The following GLIS2 variants were observed in gnomAD, a reference collection of about 807,000 sequenced individuals.
GLIS2 encodes the protein zinc finger protein GLIS2.
A neutral mutation model predicts 35.6 loss-of-function variants in GLIS2; 14 were observed. That is an observed-to-expected ratio of 0.39 (90% CI 0.26 to 0.61). The LOEUF is 0.61. Ranked by LOEUF, GLIS2 falls within the 20% of genes least tolerant of loss-of-function variation. GLIS2 has a pLI of 0.48. For missense variants in GLIS2, 675 were observed against 713.4 expected, an observed-to-expected ratio of 0.95 and a Z score of 0.61; for synonymous variants, 368 against 325.1, an observed-to-expected ratio of 1.13 and a Z score of -1.42.
At chr16:4,319,151 G>A (rs952841319) in intron 1 of GLIS2, among the ~76,000 whole-genome samples, 7 of 152,136 alleles carry the variant, frequency 4.6e-5, no homozygotes, top group African/African-American at 7.2e-5. Context: ...GAATTGGGGC[G>A]GGGGTGGCTG....
intron 1 of GLIS2, among the ~76,000 whole-genome samples, chr16:4,326,931 T>C (rs2053437312): frequency 6.6e-6 from 1 of 151,996 alleles, no homozygotes. Context: ...CGGCTAATTT[T>C]CGTATTTTTA....
At chr16:4,315,854 G>A (rs1343782270), upstream of GLIS2, among the ~76,000 whole-genome samples, 1 of 149,082 alleles carries the variant, frequency 6.7e-6, no homozygotes, top group Non-Finnish European at 1.5e-5. Flanking sequence ...CTGGCAGCTG[G>A]CGCCCCGGGC....
At chr16:4,329,655 T>C (rs1047415251) in intron 1 of GLIS2, among the ~76,000 whole-genome samples, 3 of 152,112 alleles carry the variant, frequency 2.0e-5, no homozygotes, top group African/African-American at 7.2e-5. Flanking sequence ...GTGGACAGCA[T>C]CTCTCCCCAC....
rs774731885 is a variant in GLIS2 at position 4,333,443 on chromosome 16, A to G, written c.269A>G (p.Asp90Gly). The G allele has an allele frequency of 6.2e-7, 1 of 1,612,110 alleles. No homozygotes were observed. The highest frequency in any genetic ancestry group is 1.1e-5 in the South Asian group (1 of 91,016). ...DLSLSPPSGLDSPNGSSSLSP... is the reference protein window; with the variant it reads ...DLSLSPPSGLGSPNGSSSLSP... ...AGCCTGTCACCACCATCTGGGCTGG[A>G]CTCCCCCAATGGCAGCAGCTCGCTG... The change falls in exon 3 of 7, where the codon GAC becomes GGC. Residue 90 changes from aspartate to glycine, a missense_variant. Physicochemically the swap from Asp to Gly is moderately conservative, Grantham distance 94. Coordinates refer to ENST00000433375, the MANE Select transcript of GLIS2 (RefSeq NM_032575.3).
rs2053511695 is a variant in GLIS2 at position 4,332,760 on chromosome 16, C to T, written c.172+308C>T. Among the ~76,000 whole-genome samples, 1 of 152,188 alleles carries T rather than the reference C, an allele frequency of 6.6e-6. No individual in the cohort carries two copies. The highest frequency in any genetic ancestry group is 1.5e-5 in the Non-Finnish European group (1 of 68,024). The stretch of plus-strand genomic sequence containing the variant: ...GTAGTCCCAGGACCTGCACCCTAGG[C>T]TGTGGGGTGGTGCCGCTGGCCAACC... On this transcript the variant is annotated intron_variant, in intron 2 of 6. Transcript: ENST00000433375. This position sits in a 1 kb window ranked among gnomAD's most constrained non-coding sequence, Gnocchi z 5.4.
chr16:4,322,621 G>GCC (rs5815203), intron 1 of GLIS2, among the ~76,000 whole-genome samples: 82 of 148,636 alleles, frequency 5.5e-4, no homozygotes, highest in Non-Finnish European at 8.2e-4. Flanking sequence ...TGCAGGAGCA[G>GCC]CCCCCCCCCT....
rs201860422 is a variant in GLIS2, at chr16:4,337,536, G to A, written c.*12G>A. 1.2e-4 allele frequency: 187 copies of A among 1,548,816 alleles called. No homozygotes were observed. The East Asian group carries it at 2.0e-3, about 16-fold the overall frequency. On this transcript the variant is annotated 3_prime_UTR_variant, in exon 7 of 7. Coordinates refer to ENST00000433375, the MANE Select transcript of GLIS2 (RefSeq NM_032575.3). ...CTGTGGTGAACTGAGCCCATCCTGCGGACAGTTGTGGTGCCCCCCCGGCAG... is the reference window on the plus strand; with the variant it reads ...CTGTGGTGAACTGAGCCCATCCTGCAGACAGTTGTGGTGCCCCCCCGGCAG...
chr16:4,318,780 A>T (rs370765215), intron 1 of GLIS2, among the ~76,000 whole-genome samples: 22 of 152,220 alleles, frequency 1.4e-4, no homozygotes, highest in Non-Finnish European at 2.9e-4. Context: ...CTGGGCAGCC[A>T]TATAGGAGGA....
intron 1 of GLIS2, among the ~76,000 whole-genome samples, chr16:4,326,885 C>T (rs1184973688): frequency 1.3e-5 from 2 of 152,004 alleles, no homozygotes; most frequent in East Asian, 1.9e-4. Flanking sequence ...CTCAGCCTCC[C>T]GGGTAGCTGG....
rs552273385 is a variant in GLIS2, at chr16:4,336,600, C to T, written c.776-125C>T. 65 of 955,638 alleles carry T rather than the reference C, an allele frequency of 6.8e-5. No individual in the cohort carries two copies. In the African/African-American group the frequency reaches 9.9e-4, roughly 15 times the overall value. The allele number at this position is 955,638 out of a possible 1,614,324, so 59.2% of individuals were successfully genotyped here. On this transcript the variant is annotated intron_variant, in intron 6 of 6. Transcript: ENST00000433375. ...TGCCATGTGCTGGGGATGCCCCCTGCCCCCAGAATTGGGGCATCTATGTTC... is the reference window on the plus strand; with the variant it reads ...TGCCATGTGCTGGGGATGCCCCCTGTCCCCAGAATTGGGGCATCTATGTTC...
In GLIS2 at chr16:4,332,749, T is replaced by A. The variant is rs1287777745; in HGVS notation, c.172+297T>A. Among the ~76,000 whole-genome samples, 1 of 152,200 alleles carries A rather than the reference T, an allele frequency of 6.6e-6. No individual in the cohort carries two copies. The highest frequency in any genetic ancestry group is 1.5e-5 in the Non-Finnish European group (1 of 68,016). The stretch of plus-strand genomic sequence containing the variant: ...AAGGAGCGGCAGTAGTCCCAGGACC[T>A]GCACCCTAGGCTGTGGGGTGGTGCC... On this transcript the variant is annotated intron_variant, in intron 2 of 6. Transcript: ENST00000433375. The surrounding 1 kb of genome is among the most constrained non-coding windows in gnomAD (Gnocchi z 5.4).
chr16:4,332,231 C>T lies in GLIS2; in HGVS notation c.-50C>T. On this transcript the variant is annotated 5_prime_UTR_variant, in exon 2 of 7. Coordinates refer to ENST00000433375, the MANE Select transcript of GLIS2 (RefSeq NM_032575.3). The surrounding 1 kb of genome is among the most constrained non-coding windows in gnomAD (Gnocchi z 5.4). ...CTTCCCCAGGTTCCTGCGTGAAGAC[C>T]AGCTGGGAGCCCACTGCCTGCTGCC... The T allele has an allele frequency of 1.3e-6, 2 of 1,597,638 alleles. No homozygotes were observed. Among genetic ancestry groups the T allele is most frequent in the Non-Finnish European group, 1.7e-6 (2 of 1,173,392 alleles).
intron 1 of GLIS2, among the ~76,000 whole-genome samples, chr16:4,327,515 G>A (rs557459615): frequency 6.6e-6 from 1 of 152,224 alleles, no homozygotes; most frequent in East Asian, 1.9e-4. Flanking sequence ...GGCCGGCCCC[G>A]CCTGCCAGGG....
intron 1 of GLIS2, among the ~76,000 whole-genome samples, chr16:4,330,487 C>A (rs1035726417): frequency 8.5e-5 from 13 of 152,248 alleles, no homozygotes. Context: ...CTGGTGGCGA[C>A]CCAGCGCCCT....
intron 3 of GLIS2, 30 bp from the exon 4 acceptor site, chr16:4,334,771 A>ACCTTGACT: frequency 6.2e-7 from 1 of 1,612,326 alleles, no homozygotes. Context: ...GGCCAGCAGG[A>ACCTTGACT]CCTTGACTAG....
chr16:4,323,901 C>T (rs1489186307), intron 1 of GLIS2, among the ~76,000 whole-genome samples: 3 of 152,220 alleles, frequency 2.0e-5, no homozygotes, highest in African/African-American at 7.2e-5. Context: ...TGTCTGTTAC[C>T]TACAAGGAAA....
intron 1 of GLIS2, among the ~76,000 whole-genome samples, chr16:4,326,118 G>T (rs528556667): frequency 6.6e-6 from 1 of 151,902 alleles, no homozygotes; most frequent in African/African-American, 2.4e-5. Context: ...GGTGGTGGGC[G>T]CCTGTAGTCC....
chr16:4,316,974 C>T (rs2053320499), intron 1 of GLIS2, among the ~76,000 whole-genome samples: 2 of 152,190 alleles, frequency 1.3e-5, no homozygotes, highest in Admixed American at 1.3e-4. Flanking sequence ...GCACGCACAG[C>T]TTCCCCGCTG....
chr16:4,335,392 A>G lies in GLIS2; in HGVS notation c.774A>G (p.Thr258=). The part of the protein sequence containing the change: ...ENLKIHNRSH[T]GEKPYVCPYE... ...TGAAGATCCACAACCGGTCGCACAC[A>G]GGTAAGAGGCCGGGGCCGGGCGGCT... The change falls in exon 6 of 7, where the codon ACA becomes ACG. Residue 258 remains threonine, a splice_region_variant and synonymous_variant. Coordinates refer to ENST00000433375, the MANE Select transcript of GLIS2 (RefSeq NM_032575.3). This position sits in a 1 kb window ranked among gnomAD's most constrained non-coding sequence, Gnocchi z 4.6. 1.4e-5 allele frequency: 23 copies of G among 1,613,464 alleles called. No homozygotes were observed. The highest frequency in any genetic ancestry group is 1.9e-5 in the Non-Finnish European group (22 of 1,179,956).
Sources: gnomAD v4.1 joint callset for allele counts (sites outside exome capture counted in the v4.1 genomes callset) on GRCh38, gnomAD v4.1.1 for gene constraint, Gnocchi (gnomAD v3.1) non-coding constraint, MANE v1.5 for transcripts, NCBI Gene and HGNC (gene_info 2026-07-23, HGNC 2026-07-21) for gene names.